Variants in CPED1 observed in about 807,000 individuals in gnomAD.
The protein encoded by CPED1 is cadherin-like and PC-esterase domain-containing protein 1.
In CPED1, 114 loss-of-function variants were observed where a neutral mutation model predicts 128.2. The observed-to-expected ratio is 0.89, with a 90% CI of 0.76 to 1.04. The LOEUF is 1.04. Among genes scored for constraint, CPED1 ranks in the 50% least tolerant of loss-of-function variants. CPED1 has a pLI of 0.00. For synonymous variants in CPED1, 462 were observed against 426.7 expected, an observed-to-expected ratio of 1.08 and a Z score of -1.02; for missense variants, 1,211 against 1,207.1, an observed-to-expected ratio of 1.00 and a Z score of -0.05.
intron 2 of CPED1, among the ~76,000 whole-genome samples, chr7:121,012,630 C>T (rs1020622807): frequency 5.9e-5 from 9 of 152,152 alleles, no homozygotes; most frequent in Admixed American, 2.0e-4. Context: ...GTTGTCAGAC[C>T]GGCTAAAACT....
chr7:121,201,787 C>A (rs1337946202), intron 16 of CPED1, among the ~76,000 whole-genome samples: 1 of 152,056 alleles, frequency 6.6e-6, no homozygotes, highest in African/African-American at 2.4e-5. Context: ...ACCTAATCTG[C>A]AGTTTATATT....
At chr7:121,118,928 C>T (rs7778936) in intron 7 of CPED1, among the ~76,000 whole-genome samples, 66,046 of 152,046 alleles carry the variant, frequency 0.43, 15,737 homozygotes, top group East Asian at 0.84. Flanking sequence ...CCCCATGACC[C>T]AAACACTTCT....
At chr7:121,252,120 A>G (rs1233441103) in intron 18 of CPED1, among the ~76,000 whole-genome samples, 1 of 151,478 alleles carries the variant, frequency 6.6e-6, no homozygotes, top group Admixed American at 6.6e-5. Context: ...ACAGAGATAT[A>G]GACCAATGGA....
intron 7 of CPED1, among the ~76,000 whole-genome samples, chr7:121,118,283 C>T (rs940900363): frequency 4.6e-5 from 7 of 152,160 alleles, no homozygotes; most frequent in African/African-American, 1.7e-4. Flanking sequence ...AAGAAACCGG[C>T]TGGGCGCGGT....
intron 16 of CPED1, among the ~76,000 whole-genome samples, chr7:121,225,465 C>T (rs1384190625): frequency 6.6e-6 from 1 of 152,014 alleles, no homozygotes; most frequent in Non-Finnish European, 1.5e-5. Flanking sequence ...CTTGGGGTTT[C>T]TCTTCTTGAG....
At chr7:121,214,933 C>A (rs570338817) in intron 16 of CPED1, among the ~76,000 whole-genome samples, 2 of 152,092 alleles carry the variant, frequency 1.3e-5, no homozygotes, top group South Asian at 2.1e-4. Context: ...ATGAGAGATG[C>A]AGTTTATGAC....
intron 7 of CPED1, among the ~76,000 whole-genome samples, chr7:121,107,285 G>A (rs1795001806): frequency 1.3e-5 from 2 of 152,086 alleles, no homozygotes; most frequent in Non-Finnish European, 2.9e-5. Context: ...TTTCATCACT[G>A]TGGTAATGTT....
chr7:121,081,741 G>A (rs923287837), intron 5 of CPED1, among the ~76,000 whole-genome samples: 1 of 152,070 alleles, frequency 6.6e-6, no homozygotes, highest in African/African-American at 2.4e-5. Flanking sequence ...ATTAGTACTC[G>A]CTTTTGGCTT....
At chr7:121,213,175 G>GT (rs5887024) in intron 16 of CPED1, among the ~76,000 whole-genome samples, 149,890 of 152,110 alleles carry the variant, frequency 0.99, 73,894 homozygotes, top group Middle Eastern at 1. Flanking sequence ...AGTACAGTGT[G>GT]TTTGTTCTAT....
Position 121,117,847 on chromosome 7 carries a change from G to A in CPED1, c.919-6484G>A, listed in dbSNP as rs1323206740. Among the ~76,000 whole-genome samples, 3 of 151,620 alleles carry A rather than the reference G, an allele frequency of 2.0e-5. No individual in the cohort carries two copies. In the East Asian group the frequency reaches 5.8e-4, roughly 29 times the overall value. On this transcript the variant is annotated intron_variant, in intron 7 of 22. Transcript: ENST00000310396. ...TCCCATTCTTTTTATACATCCTTCT[G>A]CTCTTCAGAAGAAAGACCAGCTTTT... is the stretch of plus-strand genomic sequence containing the variant.
intron 5 of CPED1, among the ~76,000 whole-genome samples, chr7:121,095,511 A>T (rs1794677412): frequency 6.6e-6 from 1 of 152,008 alleles, no homozygotes; most frequent in African/African-American, 2.4e-5. Flanking sequence ...AATAATAAAA[A>T]GTAACATCCA....
intron 16 of CPED1, among the ~76,000 whole-genome samples, chr7:121,222,484 C>A (rs1420826244): frequency 1.3e-5 from 2 of 152,222 alleles, no homozygotes; most frequent in South Asian, 2.1e-4. Flanking sequence ...TTTTCCAATT[C>A]TGTGAAGAAA....
intron 5 of CPED1, among the ~76,000 whole-genome samples, chr7:121,077,776 A>T (rs1250816271): frequency 6.6e-6 from 1 of 151,716 alleles, no homozygotes; most frequent in Non-Finnish European, 1.5e-5. Context: ...ATTTACAAAC[A>T]TACTAATTTT....
intron 3 of CPED1, among the ~76,000 whole-genome samples, chr7:121,016,613 G>A (rs1792308119): frequency 6.6e-6 from 1 of 152,168 alleles, no homozygotes; most frequent in South Asian, 2.1e-4. Context: ...CTTACATCTG[G>A]TGTGAGGGAT....
intron 16 of CPED1, among the ~76,000 whole-genome samples, chr7:121,175,781 TAC>T (rs1796761556): frequency 6.6e-6 from 1 of 152,038 alleles, no homozygotes; most frequent in African/African-American, 2.4e-5. Context: ...AACTTTTCAA[TAC>T]AACAAGACTG....
chr7:121,126,152 A>G (rs1375889769), intron 9 of CPED1, among the ~76,000 whole-genome samples: 2 of 152,204 alleles, frequency 1.3e-5, no homozygotes, highest in East Asian at 1.9e-4. Flanking sequence ...TAAATGTGGT[A>G]TGAAGTCAAG....
At chr7:121,118,466 A>G (rs1184041587) in intron 7 of CPED1, among the ~76,000 whole-genome samples, 1 of 151,486 alleles carries the variant, frequency 6.6e-6, no homozygotes, top group African/African-American at 2.4e-5. Context: ...AGGCTGAGGC[A>G]GGAGAATCAC....
intron 21 of CPED1, among the ~76,000 whole-genome samples, chr7:121,269,098 T>C (rs1379420484): frequency 6.6e-6 from 1 of 151,996 alleles, no homozygotes; most frequent in African/African-American, 2.4e-5. Context: ...AAATACCTGG[T>C]ATACAAGTAA....
At chr7:121,098,024 G>A (rs1563024457) in intron 6 of CPED1, among the ~76,000 whole-genome samples, 193 bp downstream of exon 6, 1 of 152,100 alleles carries the variant, frequency 6.6e-6, no homozygotes, top group African/African-American at 2.4e-5. Context: ...AACCTGTCCT[G>A]CCAGAAAATA....
Sources: allele counts gnomAD v4.1 joint callset (sites outside exome capture counted in the v4.1 genomes callset), GRCh38; gene constraint gnomAD v4.1.1; transcripts MANE v1.5; gene names NCBI Gene and HGNC (gene_info 2026-07-23, HGNC 2026-07-21).